Variants in CSMD1 observed in about 807,000 individuals in gnomAD.
CSMD1 encodes the protein CUB and Sushi multiple domains 1.
CSMD1 carries 213 observed loss-of-function variants against 417.5 expected under a neutral mutation model. That is an observed-to-expected ratio of 0.51 (90% confidence interval 0.46 to 0.57). The LOEUF is 0.57. Among genes scored for constraint, CSMD1 ranks in the 20% least tolerant of loss-of-function variants. CSMD1 has a pLI of 0.00. For missense variants in CSMD1, 6,923 were observed against 4,529.7 expected, an observed-to-expected ratio of 1.53 and a Z score of -15.17; for synonymous variants, 2,862 against 1,736.8, an observed-to-expected ratio of 1.65 and a Z score of -16.11.
In CSMD1 at chr8:3,223,716, C is replaced by A. The variant is rs759491822; in HGVS notation, c.4484+13G>T. 2 of 1,613,136 alleles carry A rather than the reference C, an allele frequency of 1.2e-6. No homozygotes were observed. The highest frequency in any genetic ancestry group is 1.7e-4 in the Middle Eastern group (1 of 6,056). On this transcript the variant is annotated intron_variant, in intron 28 of 69. Coordinates refer to ENST00000635120, the MANE Select transcript of CSMD1 (RefSeq NM_033225.6). ...AATCCTACTAAAAAGAGGTATTCTG[C>A]AAGAGACGGTACCTTTTGAATATCA... is the stretch of plus-strand genomic sequence containing the variant.
intron 3 of CSMD1, among the ~76,000 whole-genome samples, chr8:4,122,232 G>C (rs142380735): frequency 1.8e-4 from 27 of 152,240 alleles, no homozygotes; most frequent in Admixed American, 3.3e-4. Context: ...TTTTGTGAGG[G>C]AAGTGCAGTT....
intron 4 of CSMD1, among the ~76,000 whole-genome samples, chr8:4,025,872 C>T (rs11779787): frequency 0.091 from 13,844 of 152,054 alleles, 671 homozygotes; most frequent in Middle Eastern, 0.13. Context: ...CTTTAAAGAA[C>T]ATCACGGCTA....
chr8:3,628,102 A>G (rs765813640), intron 7 of CSMD1, among the ~76,000 whole-genome samples: 2 of 152,232 alleles, frequency 1.3e-5, no homozygotes, highest in Non-Finnish European at 2.9e-5. Flanking sequence ...AAACATAGAA[A>G]AAGACCGGCA....
chr8:4,420,907 T>TCC (rs1797215746), intron 2 of CSMD1, among the ~76,000 whole-genome samples: 1 of 152,162 alleles, frequency 6.6e-6, no homozygotes, highest in African/African-American at 2.4e-5. Flanking sequence ...CTAGGAGCCC[T>TCC]CCTCCCTCCC....
intron 3 of CSMD1, among the ~76,000 whole-genome samples, chr8:4,361,720 C>G (rs529537048): frequency 6.6e-6 from 1 of 151,802 alleles, no homozygotes; most frequent in Non-Finnish European, 1.5e-5. Context: ...CTTTGGGAGG[C>G]CGAAGTGGGC....
intron 28 of CSMD1, among the ~76,000 whole-genome samples, chr8:3,222,102 C>A (rs557642651): frequency 9.4e-4 from 143 of 152,108 alleles, no homozygotes; most frequent in Non-Finnish European, 1.2e-3. Flanking sequence ...CTGGTTTTCA[C>A]TGATTTCTGA....
intron 3 of CSMD1, among the ~76,000 whole-genome samples, chr8:4,051,308 C>CA (rs5889012): frequency 0.68 from 95,001 of 140,446 alleles, 31,886 homozygotes; most frequent in South Asian, 0.74. Context: ...TTTGAAGACT[C>CA]AAAAAAAAAA....
intron 2 of CSMD1, among the ~76,000 whole-genome samples, chr8:4,630,180 C>G (rs1417342392): frequency 1.3e-5 from 2 of 152,052 alleles, no homozygotes; most frequent in Admixed American, 1.3e-4. Context: ...ATTATTATCT[C>G]TCTTACATGT....
intron 12 of CSMD1, among the ~76,000 whole-genome samples, chr8:3,433,950 G>T (rs895040659): frequency 1.3e-5 from 2 of 152,138 alleles, no homozygotes; most frequent in Non-Finnish European, 2.9e-5. Context: ...TGGCTCCCAG[G>T]CAAGACTCCC....
At chr8:3,165,619 A>G (rs1427854225) in intron 37 of CSMD1, among the ~76,000 whole-genome samples, 1 of 151,926 alleles carries the variant, frequency 6.6e-6, no homozygotes, top group East Asian at 1.9e-4. Context: ...TTTTTAGAAA[A>G]GACGGGGTTT....
intron 3 of CSMD1, among the ~76,000 whole-genome samples, chr8:4,142,009 T>C (rs67277741): frequency 0.3 from 45,179 of 150,620 alleles, 8,406 homozygotes; most frequent in Non-Finnish European, 0.39. Flanking sequence ...TATTCAATGA[T>C]GTTCCAAAAC....
intron 5 of CSMD1, among the ~76,000 whole-genome samples, chr8:3,837,311 T>C (rs1802776188): frequency 1.3e-5 from 2 of 152,188 alleles, no homozygotes; most frequent in African/African-American, 2.4e-5. Context: ...GAAAATTAGA[T>C]TGCAACTAGT....
intron 2 of CSMD1, among the ~76,000 whole-genome samples, chr8:4,460,330 G>T (rs1486554449): frequency 6.6e-6 from 1 of 152,008 alleles, no homozygotes; most frequent in Non-Finnish European, 1.5e-5. Context: ...AAATGCAACT[G>T]AAGAATTGCA....
At chr8:4,461,794 G>A (rs533692082) in intron 2 of CSMD1, among the ~76,000 whole-genome samples, 66 of 145,914 alleles carry the variant, frequency 4.5e-4, no homozygotes, top group African/African-American at 1.6e-3. Context: ...AGGCTGGAGT[G>A]CAGTAGTACG....
intron 40 of CSMD1, among the ~76,000 whole-genome samples, chr8:3,151,081 A>G (rs1335151696): frequency 6.6e-6 from 1 of 152,200 alleles, no homozygotes; most frequent in Non-Finnish European, 1.5e-5. Context: ...CCAGAGATAG[A>G]TTAGAAAAAG....
At chr8:4,624,831 A>G (rs1440904563) in intron 2 of CSMD1, among the ~76,000 whole-genome samples, 2 of 152,122 alleles carry the variant, frequency 1.3e-5, no homozygotes, top group African/African-American at 2.4e-5. Flanking sequence ...CAGAGTCCAC[A>G]TCACACCCAC....
intron 1 of CSMD1, among the ~76,000 whole-genome samples, chr8:4,759,721 A>C (rs1025148453): frequency 3.3e-5 from 5 of 152,110 alleles, no homozygotes; most frequent in Non-Finnish European, 7.4e-5. Flanking sequence ...AGCTCTATCC[A>C]TGTTCCTGAA....
At chr8:4,295,750 GTATATATATATATATA>G (rs756556655) in intron 3 of CSMD1, among the ~76,000 whole-genome samples, 1 of 34,238 alleles carries the variant, frequency 2.9e-5, no homozygotes, top group African/African-American at 6.4e-5. Flanking sequence ...ATGTGTGTGT[GTATATATATATATATA>G]TATATATATA....
intron 5 of CSMD1, among the ~76,000 whole-genome samples, chr8:3,769,853 C>G (rs961823138): frequency 6.6e-6 from 1 of 152,150 alleles, no homozygotes; most frequent in African/African-American, 2.4e-5. Context: ...GGATGGACTC[C>G]TAGAAGAAAA....
Sources: allele counts gnomAD v4.1 joint callset (sites outside exome capture counted in the v4.1 genomes callset), GRCh38; gene constraint gnomAD v4.1.1; transcripts MANE v1.5; gene names NCBI Gene and HGNC (gene_info 2026-07-23, HGNC 2026-07-21).